Variants in TAF3 observed in about 807,000 individuals in gnomAD.
TAF3 encodes the protein TATA-box binding protein associated factor 3.
In TAF3, 7 loss-of-function variants were observed where a neutral mutation model predicts 80.6. That is an observed-to-expected ratio of 0.09 (90% CI 0.05 to 0.16). The LOEUF is 0.16. Ranked by LOEUF, TAF3 falls within the 10% of genes least tolerant of loss-of-function variation. The pLI, the probability that TAF3 is intolerant of heterozygous loss-of-function variation, is 1.00. For synonymous variants in TAF3, 444 were observed against 446.1 expected (o/e 1.00, Z 0.06); for missense variants, 921 against 1,140.2 (o/e 0.81, Z 2.77).
chr10:7,830,473 CTTTTTTTTTTTTTTTT>C (rs1176707860), intron 2 of TAF3, among the ~76,000 whole-genome samples: 2 of 57,678 alleles, frequency 3.5e-5, no homozygotes, highest in African/African-American at 6.7e-5. Flanking sequence ...CTTTACATGT[CTTTTTTTTTTTTTTTT>C]TTTTTTTTTT....
intron 2 of TAF3, among the ~76,000 whole-genome samples, chr10:7,915,625 A>G (rs1466570351): frequency 5.0e-5 from 7 of 141,380 alleles, no homozygotes; most frequent in South Asian, 4.7e-4. Flanking sequence ...CCTGGGCGAC[A>G]GAGCGAAACT....
rs573421409 is a variant in TAF3 at position 7,912,201 on chromosome 10, G to A, written c.410-51719G>A. On this transcript the variant is annotated intron_variant, in intron 2 of 6. Coordinates refer to ENST00000344293, the MANE Select transcript of TAF3 (RefSeq NM_031923.4). ...TACAATAAAATATGAAGTTGAAGCC[G>A]TCTGTGTTAACTAAACCAAATACAA... 3.3e-5 allele frequency among the ~76,000 whole-genome samples: 5 copies of A among 152,290 alleles called. No individual in the cohort carries two copies. The South Asian group carries it at 1.0e-3, about 32-fold the overall frequency.
chr10:7,904,737 T>G (rs1253279018), intron 2 of TAF3, among the ~76,000 whole-genome samples: 1 of 152,116 alleles, frequency 6.6e-6, no homozygotes, highest in Admixed American at 6.5e-5. Context: ...TTCATGATAT[T>G]TAGTAGAAAT....
chr10:7,935,229 A>T (rs1225771206), intron 2 of TAF3, among the ~76,000 whole-genome samples: 2 of 152,158 alleles, frequency 1.3e-5, no homozygotes, highest in East Asian at 3.9e-4. Flanking sequence ...GTGAGCCAAG[A>T]TCGTGCCACT....
At chr10:7,957,267 GCGATGGGGAGATTAGGGCAGA>G (rs377190091) in intron 2 of TAF3, among the ~76,000 whole-genome samples, 174 of 152,210 alleles carry the variant, frequency 1.1e-3, no homozygotes, top group African/African-American at 4.0e-3. Flanking sequence ...CTTTCATGGA[GCGATGGGGAGATTAGGGCAGA>G]CGATGGGGAG....
chr10:7,998,247 AT>A (rs1831908086), intron 4 of TAF3, among the ~76,000 whole-genome samples: 2 of 97,974 alleles, frequency 2.0e-5, no homozygotes, highest in South Asian at 3.6e-4. Flanking sequence ...AGAACTATAT[AT>A]ATATATATAT....
chr10:8,009,111 C>A lies in TAF3; in HGVS notation c.2349C>A (p.Ala783=). The A allele has an allele frequency of 6.2e-7, 1 of 1,601,558 alleles. No homozygotes were observed. The highest frequency in any genetic ancestry group is 8.5e-7 in the Non-Finnish European group (1 of 1,174,846). The change falls in exon 5 of 7, where the codon GCC becomes GCA. Residue 783 remains alanine, a synonymous_variant. Transcript: ENST00000344293. This position sits in a 1 kb window ranked among gnomAD's most constrained non-coding sequence, Gnocchi z 4.1. ...GCAAGGTGGTCCCTGCCCCCGAGGCCAAGCCGGCGCCCTCGCAGAACAGGC... is the reference window on the plus strand; with the variant it reads ...GCAAGGTGGTCCCTGCCCCCGAGGCAAAGCCGGCGCCCTCGCAGAACAGGC... ...VISKVVPAPE[A]KPAPSQNRPK...
In TAF3 at chr10:7,964,477, A is replaced by G; in HGVS notation, c.967A>G (p.Ser323Gly). 1 of 1,613,646 alleles carries G rather than the reference A, an allele frequency of 6.2e-7. No individual in the cohort carries two copies. The highest frequency in any genetic ancestry group is 8.5e-7 in the Non-Finnish European group (1 of 1,179,842). ...GRSKSPKSPKSPKVTTHIPQT... is the reference protein window; with the variant it reads ...GRSKSPKSPKGPKVTTHIPQT... ...TTCCAAGAGCCCCAAGAGTCCCAAG[A>G]GCCCCAAGGTCACGACTCACATTCC... Residue 323 changes from serine (S) to glycine (G), a missense_variant, in exon 3 of 7, where the codon AGC becomes GGC. By Grantham distance (56) the Ser-to-Gly change is moderately conservative (BLOSUM62 0). Around this residue, in one of 6 missense-constraint regions of TAF3, gnomAD observed 743 missense variants for 821.0 expected, o/e 0.90. Transcript: ENST00000344293. The surrounding 1 kb of genome is among the most constrained non-coding windows in gnomAD (Gnocchi z 4.1).
chr10:7,891,715 A>G (rs1024585667), intron 2 of TAF3, among the ~76,000 whole-genome samples: 2 of 152,226 alleles, frequency 1.3e-5, no homozygotes, highest in Admixed American at 6.5e-5. Flanking sequence ...TGAATGTAAA[A>G]TTTCAATTGA....
At position 7,818,598 on chromosome 10, in the gene TAF3, C is replaced by A; in HGVS notation, c.-112C>A. 1 of 1,259,008 alleles carries A rather than the reference C, an allele frequency of 7.9e-7. No individual in the cohort carries two copies. Among genetic ancestry groups the A allele is most frequent in the Non-Finnish European group, 1.0e-6 (1 of 953,922 alleles). 78.0% of individuals were successfully genotyped at this position (1,259,008 alleles called of 1,614,324 possible). On this transcript the variant is annotated 5_prime_UTR_variant, in exon 1 of 7. Transcript: ENST00000344293. ...AGGTGGTCGCCGGGGGTCCGGGGGA[C>A]CCTTTCCCCGCCGCGGAAGCCCTAG...
chr10:7,844,224 T>C (rs1836946718), intron 2 of TAF3, among the ~76,000 whole-genome samples: 1 of 152,098 alleles, frequency 6.6e-6, no homozygotes, highest in African/African-American at 2.4e-5. Flanking sequence ...GTAGATTTTC[T>C]ATTCAGAAAT....
intron 2 of TAF3, among the ~76,000 whole-genome samples, chr10:7,956,301 G>A (rs976465492): frequency 1.3e-5 from 2 of 152,042 alleles, no homozygotes; most frequent in Admixed American, 1.3e-4. Flanking sequence ...CAGCCTGCCA[G>A]CATAGTGAAA....
At chr10:7,868,010 G>A (rs1302141862) in intron 2 of TAF3, among the ~76,000 whole-genome samples, 3 of 152,122 alleles carry the variant, frequency 2.0e-5, no homozygotes, top group African/African-American at 7.2e-5. Context: ...CCTGGTCATT[G>A]AGTGGAAGTG....
chr10:7,953,385 G>GATC (rs1838103296), intron 2 of TAF3, among the ~76,000 whole-genome samples: 1 of 152,156 alleles, frequency 6.6e-6, no homozygotes, highest in South Asian at 2.1e-4. Context: ...CTGCCCTTTA[G>GATC]ATCATCCCAC....
chr10:8,000,743 C>T (rs1230100001), intron 4 of TAF3, among the ~76,000 whole-genome samples: 1 of 152,300 alleles, frequency 6.6e-6, no homozygotes, highest in African/African-American at 2.4e-5. Flanking sequence ...TGCACCAGCA[C>T]ACTTTAGCCT....
At chr10:7,999,369 T>A (rs752000699) in intron 4 of TAF3, among the ~76,000 whole-genome samples, 2 of 151,756 alleles carry the variant, frequency 1.3e-5, no homozygotes, top group African/African-American at 2.4e-5. Context: ...GGGCAATGTA[T>A]TTCTTTGAAA....
intron 2 of TAF3, among the ~76,000 whole-genome samples, chr10:7,852,933 A>G (rs1263728343): frequency 6.6e-6 from 1 of 152,178 alleles, no homozygotes; most frequent in Non-Finnish European, 1.5e-5. Flanking sequence ...ATAGTCACCA[A>G]CTAGTTGTGC....
chr10:8,000,654 C>G (rs775501119), intron 4 of TAF3, among the ~76,000 whole-genome samples: 1 of 152,070 alleles, frequency 6.6e-6, no homozygotes, highest in Non-Finnish European at 1.5e-5. Flanking sequence ...TGGCACGCAC[C>G]TGTAGTCCCA....
At chr10:7,935,600 AAAGC>A (rs1425395664) in intron 2 of TAF3, among the ~76,000 whole-genome samples, 1 of 152,050 alleles carries the variant, frequency 6.6e-6, no homozygotes, top group African/African-American at 2.4e-5. Context: ...ATAAATAAAT[AAAGC>A]AAGCAAGCTA....
Sources: allele counts gnomAD v4.1 joint callset (sites outside exome capture counted in the v4.1 genomes callset), GRCh38; gene constraint gnomAD v4.1.1; regional missense constraint gnomAD v4.1.1; non-coding constraint Gnocchi (gnomAD v3.1); transcripts MANE v1.5; gene names NCBI Gene and HGNC (gene_info 2026-07-23, HGNC 2026-07-21).